DNAH6: variants seen among roughly 807,000 people sequenced by gnomAD.
DNAH6 encodes the protein dynein axonemal heavy chain 6.
In DNAH6, 340 loss-of-function variants were observed where a neutral mutation model predicts 491.4. The observed-to-expected ratio is 0.69, with a 90% CI of 0.63 to 0.76. The LOEUF is 0.76. Ranked by LOEUF, DNAH6 falls within the 30% of genes least tolerant of loss-of-function variation. The pLI, the probability that DNAH6 is intolerant of heterozygous loss-of-function variation, is 0.00. For missense variants in DNAH6, 4,443 were observed against 4,972.2 expected (o/e 0.89, Z 3.20); for synonymous variants, 1,603 against 1,686.1 (o/e 0.95, Z 1.21).
chr2:84,515,097 A>G (rs898736647), upstream of DNAH6, among the ~76,000 whole-genome samples: 1 of 152,158 alleles, frequency 6.6e-6, no homozygotes, highest in African/African-American at 2.4e-5. Context: ...ATTGCTTGTT[A>G]TTATAACTTT....
chr2:84,610,810 GT>G (rs1193867287), intron 21 of DNAH6, among the ~76,000 whole-genome samples: 2 of 152,228 alleles, frequency 1.3e-5, no homozygotes, highest in African/African-American at 4.8e-5. Context: ...TCTGAGTCCT[GT>G]CCAGCCTTCT....
chr2:84,501,794 A>G, the DNAH6 span, among the ~76,000 whole-genome samples: 1 of 149,694 alleles, frequency 6.7e-6, no homozygotes, highest in Non-Finnish European at 1.5e-5. Context: ...ATTTTTCTAC[A>G]TTTTCCAATT....
At chr2:84,619,954 C>G in intron 24 of DNAH6, 50 bp downstream of exon 24, 4 of 1,429,370 alleles carry the variant, frequency 2.8e-6, no homozygotes, top group Non-Finnish European at 3.8e-6. Flanking sequence ...TGCTACTCCT[C>G]TAGGGTTATT....
intron 64 of DNAH6, among the ~76,000 whole-genome samples, chr2:84,772,991 G>A (rs775354957): frequency 1.3e-5 from 2 of 151,882 alleles, no homozygotes; most frequent in Non-Finnish European, 1.5e-5. Flanking sequence ...ATAACAGAAG[G>A]AAATATGGAC....
chr2:84,681,186 C>T (rs148978234), intron 41 of DNAH6, among the ~76,000 whole-genome samples, 171 bp from the exon 42 acceptor site: 6 of 152,242 alleles, frequency 3.9e-5, no homozygotes, highest in South Asian at 2.1e-4. Context: ...CAGGAGTGAG[C>T]GCATTCTCAA....
In DNAH6 at chr2:84,718,322, T is replaced by C; in HGVS notation, c.9730T>C (p.Phe3244Leu). The change falls in exon 59 of 77, where the codon TTT becomes CTT. Residue 3244 changes from phenylalanine (F) to leucine (L), a missense_variant. Phe to Leu is a conservative substitution (Grantham distance 22, BLOSUM62 0). Transcript: ENST00000389394. ...TIEEKILRML[F>L]TSEGNILDNE... ...CGAAGAGAAAATCCTGAGAATGCTC[T>C]TTACCTCTGAAGGAAATATTCTGGA... is the stretch of plus-strand genomic sequence containing the variant. 5 of 1,551,310 alleles carry C rather than the reference T, an allele frequency of 3.2e-6. No homozygotes were observed. The highest frequency in any genetic ancestry group is 2.0e-5 in the Admixed American group (1 of 50,952).
intron 69 of DNAH6, 115 bp downstream of exon 69, chr2:84,796,540 C>A: frequency 1.2e-6 from 1 of 826,850 alleles, no homozygotes; most frequent in Non-Finnish European, 1.8e-6. Flanking sequence ...CTGTTATAGC[C>A]ACACCCTATC....
chr2:84,641,799 A>AT, intron 32 of DNAH6, 148 bp from the exon 33 acceptor site: 1 of 620,212 alleles, frequency 1.6e-6, no homozygotes, highest in Middle Eastern at 4.5e-4. Flanking sequence ...GCTCTGATGG[A>AT]GATGAACGCT....
In DNAH6 at chr2:84,552,929, G is replaced by T. The variant is rs762398142; in HGVS notation, c.1497G>T (p.Met499Ile). 1.2e-6 allele frequency: 2 copies of T among 1,607,874 alleles called. No homozygotes were observed. The highest frequency in any genetic ancestry group is 1.7e-6 in the Non-Finnish European group (2 of 1,175,690). The change falls in exon 10 of 77, where the codon ATG (methionine) becomes ATT (isoleucine). Residue 499 changes from methionine (M) to isoleucine (I), a missense_variant. Around this residue, in one of 3 missense-constraint regions of DNAH6, gnomAD observed 2,977 missense variants for 3,296.6 expected, o/e 0.90. Transcript: ENST00000389394. ...PEVPDKKGTL[M>I]VEKQEEDESL... ...TATATTCATTTCAGGGGACCCTTAT[G>T]GTGGAAAAGCAAGAAGAAGATGAAT... is the stretch of plus-strand genomic sequence containing the variant.
At chr2:84,660,727 A>G (rs1361595941) in intron 37 of DNAH6, among the ~76,000 whole-genome samples, 1 of 152,172 alleles carries the variant, frequency 6.6e-6, no homozygotes, top group Non-Finnish European at 1.5e-5. Context: ...TGAAAGATAT[A>G]ATCTTGCTTC....
intron 39 of DNAH6, among the ~76,000 whole-genome samples, chr2:84,671,248 T>C (rs1692710604): frequency 6.6e-6 from 1 of 152,162 alleles, no homozygotes; most frequent in Admixed American, 6.5e-5. Flanking sequence ...GAGGCAGGTT[T>C]TCAGGAGTGG....
intron 68 of DNAH6, among the ~76,000 whole-genome samples, chr2:84,795,628 G>T (rs1678270460): frequency 6.6e-6 from 1 of 152,168 alleles, no homozygotes; most frequent in South Asian, 2.1e-4. Flanking sequence ...CTACAGTGGT[G>T]AATGGTGAAT....
rs772968384 is a variant in DNAH6 at position 84,557,820 on chromosome 2, T to G, written c.1688T>G (p.Phe563Cys). 2 of 1,613,404 alleles carry G rather than the reference T, an allele frequency of 1.2e-6. No homozygotes were observed. The highest frequency in any genetic ancestry group is 1.1e-5 in the South Asian group (1 of 91,028). Residue 563 changes from phenylalanine (F) to cysteine (C), a missense_variant, in exon 11 of 77, where the codon TTC (phenylalanine) becomes TGC (cysteine). Physicochemically the swap from Phe to Cys is radical, Grantham distance 205. Around this residue, in one of 3 missense-constraint regions of DNAH6, gnomAD observed 2,977 missense variants for 3,296.6 expected, o/e 0.90. Coordinates refer to ENST00000389394, the MANE Select transcript of DNAH6 (RefSeq NM_001370.2). ...GTGCCTGATTCGTATTTTGATGCTTTCACCAGCCCTTATATTAACAACAAA... is the reference window on the plus strand; with the variant it reads ...GTGCCTGATTCGTATTTTGATGCTTGCACCAGCCCTTATATTAACAACAAA... ...NLVPDSYFDA[F>C]TSPYINNKLE... is the part of the protein sequence containing the mutation.
the DNAH6 span, among the ~76,000 whole-genome samples, chr2:84,475,498 C>T: frequency 6.6e-6 from 1 of 152,148 alleles, no homozygotes; most frequent in African/African-American, 2.4e-5. Flanking sequence ...ATTTCCTTTT[C>T]TACGTTCCTT....
chr2:84,607,977 G>A (rs950408657), intron 21 of DNAH6, among the ~76,000 whole-genome samples: 1 of 152,092 alleles, frequency 6.6e-6, no homozygotes. Flanking sequence ...CCCTACTTCT[G>A]CTTTATCAAC....
rs192816392 is a variant in DNAH6 at position 84,601,713 on chromosome 2, A to G, written c.2869-2626A>G. On this transcript the variant is annotated intron_variant, in intron 18 of 76. Transcript: ENST00000389394. ...GTGTAGACCATTCACATTTAAAGTC[A>G]TTATTTATACAGTTGGATTGAATCT... is the stretch of plus-strand genomic sequence containing the variant. Among the ~76,000 whole-genome samples the G allele has an allele frequency of 1.1e-3, 165 of 152,002 alleles. 5 individuals carry two copies. In the South Asian group the frequency reaches 0.031, roughly 29 times the overall value.
the DNAH6 span, among the ~76,000 whole-genome samples, chr2:84,471,869 T>G: frequency 6.6e-6 from 1 of 152,320 alleles, no homozygotes; most frequent in East Asian, 1.9e-4. Flanking sequence ...TCAAGGCTTC[T>G]CAAACCTTCA....
At chr2:84,726,555 G>C (rs577809978) in intron 60 of DNAH6, among the ~76,000 whole-genome samples, 43 of 152,248 alleles carry the variant, frequency 2.8e-4, no homozygotes, top group African/African-American at 1.0e-3. Flanking sequence ...AACACTGCAT[G>C]TTCTCACTCA....
intron 29 of DNAH6, among the ~76,000 whole-genome samples, chr2:84,633,877 C>T (rs115085206): frequency 0.036 from 5,407 of 152,100 alleles, 142 homozygotes; most frequent in Non-Finnish European, 0.053. Flanking sequence ...AGTTGACCAC[C>T]TTGAAATTTA....
Sources: gnomAD v4.1 joint callset for allele counts (sites outside exome capture counted in the v4.1 genomes callset) on GRCh38, gnomAD v4.1.1 for gene constraint, gnomAD v4.1.1 regional missense constraint, MANE v1.5 for transcripts, NCBI Gene and HGNC (gene_info 2026-07-23, HGNC 2026-07-21) for gene names.